ANKS1B: variants seen among roughly 807,000 people sequenced by gnomAD.
The protein encoded by ANKS1B is ankyrin repeat and sterile alpha motif domain containing 1B.
A neutral mutation model predicts 148.3 loss-of-function variants in ANKS1B; 36 were observed. The observed-to-expected ratio is 0.24, with a 90% CI of 0.19 to 0.32. The LOEUF (loss-of-function observed/expected upper bound fraction) is 0.32. ANKS1B is among the 10% of genes least tolerant of loss of function. The pLI, the probability that ANKS1B is intolerant of heterozygous loss-of-function variation, is 1.00. For synonymous variants in ANKS1B, 542 were observed against 560.8 expected (o/e 0.97, Z 0.47); for missense variants, 1,157 against 1,542.6 (o/e 0.75, Z 4.19).
At position 99,506,058 on chromosome 12, in the gene ANKS1B, T is replaced by C. The variant is rs1265802122; in HGVS notation, c.1273-1417A>G. ...TGCTCAGCATCATGAGAGAGTTATC[T>C]ATCATAGGGTATATTGCTAGCCCAG... On this transcript the variant is annotated intron_variant, in intron 9 of 26. Coordinates refer to ENST00000683438, the MANE Select transcript of ANKS1B (RefSeq NM_001352186.2). Among the ~76,000 whole-genome samples the C allele has an allele frequency of 2.6e-5, 4 of 152,076 alleles. No homozygotes were observed. The East Asian group carries it at 5.8e-4, about 22-fold the overall frequency.
Position 99,093,116 on chromosome 12 carries a change from T to C in ANKS1B, c.2527-8093A>G, listed in dbSNP as rs536182599. Among the ~76,000 whole-genome samples the C allele has an allele frequency of 1.8e-4, 27 of 152,316 alleles. No homozygotes were observed. The South Asian group carries it at 5.6e-3, about 32-fold the overall frequency. ...ATATGTAACGTTACCAAGAAGTTAC[T>C]CCCATGACCCTATTTTCACACACAC... On this transcript the variant is annotated intron_variant, in intron 15 of 26. Coordinates refer to ENST00000683438, the MANE Select transcript of ANKS1B (RefSeq NM_001352186.2).
intron 14 of ANKS1B, among the ~76,000 whole-genome samples, chr12:99,188,628 A>T (rs994536268): frequency 6.6e-6 from 1 of 152,222 alleles, no homozygotes; most frequent in Non-Finnish European, 1.5e-5. Flanking sequence ...GCAGAAATAA[A>T]TAAGTTATTT....
intron 15 of ANKS1B, 74 bp downstream of exon 15, chr12:99,154,215 C>G (rs1342163878): frequency 3.8e-6 from 6 of 1,574,220 alleles, no homozygotes; most frequent in African/African-American, 1.3e-5. Flanking sequence ...ATCAGGCTGC[C>G]TCTGAGCCAT....
At chr12:99,373,348 A>G (rs1318071458) in intron 12 of ANKS1B, among the ~76,000 whole-genome samples, 1 of 152,158 alleles carries the variant, frequency 6.6e-6, no homozygotes, top group Non-Finnish European at 1.5e-5. Flanking sequence ...AGAGGAAAAA[A>G]GGAAAGACAG....
chr12:99,315,391 A>G (rs2083883302), intron 12 of ANKS1B, among the ~76,000 whole-genome samples: 1 of 152,212 alleles, frequency 6.6e-6, no homozygotes, highest in African/African-American at 2.4e-5. Context: ...CCCATCAAAA[A>G]GTGGGAAAAC....
In ANKS1B at chr12:99,858,515, A is replaced by C. The variant is rs139937138; in HGVS notation, c.135-33126T>G. On this transcript the variant is annotated intron_variant, in intron 1 of 26. Coordinates refer to ENST00000683438, the MANE Select transcript of ANKS1B (RefSeq NM_001352186.2). ...GCTCCACCATTTGATCCAGGAGTCC[A>C]ACTCCTGGGTATCTACCCAGAGAAA... 7.9e-3 allele frequency among the ~76,000 whole-genome samples: 1,210 copies of C among 152,296 alleles called. 14 individuals are homozygous for C. The highest frequency in any genetic ancestry group is 0.028 in the African/African-American group (1,145 of 41,562).
intron 15 of ANKS1B, among the ~76,000 whole-genome samples, chr12:99,130,455 T>C (rs1017171567): frequency 5.9e-5 from 9 of 152,176 alleles, no homozygotes; most frequent in African/African-American, 1.7e-4. Flanking sequence ...CATCCTTAAT[T>C]CCTCCCTTTC....
At chr12:98,997,388 C>G (rs1445451156) in intron 17 of ANKS1B, among the ~76,000 whole-genome samples, 2 of 149,678 alleles carry the variant, frequency 1.3e-5, no homozygotes, top group Admixed American at 1.3e-4. Context: ...AAATTACCAT[C>G]TTCCCAGTGT....
At chr12:99,514,197 T>C (rs1487005335) in intron 9 of ANKS1B, among the ~76,000 whole-genome samples, 9 of 152,166 alleles carry the variant, frequency 5.9e-5, no homozygotes, top group Non-Finnish European at 1.2e-4. Context: ...TCCATGTTCA[T>C]AGTAGGACTC....
intron 9 of ANKS1B, chr12:99,647,906 G>A (rs770291011): frequency 3.2e-5 from 14 of 436,864 alleles, no homozygotes; most frequent in Non-Finnish European, 5.3e-5. Context: ...GGACATCCAC[G>A]AGGGCCCCAA....
At chr12:99,433,830 T>A (rs2095417827) in intron 11 of ANKS1B, among the ~76,000 whole-genome samples, 1 of 152,120 alleles carries the variant, frequency 6.6e-6, no homozygotes, top group Admixed American at 6.5e-5. Context: ...AGGATGATCC[T>A]TGGGGCATTG....
intron 14 of ANKS1B, among the ~76,000 whole-genome samples, chr12:99,186,691 T>C (rs2079908234): frequency 6.6e-6 from 1 of 151,968 alleles, no homozygotes; most frequent in South Asian, 2.1e-4. Flanking sequence ...AGGAATAGTA[T>C]CAACATCAAC....
At chr12:99,329,864 A>G (rs2087163130) in intron 12 of ANKS1B, among the ~76,000 whole-genome samples, 1 of 151,866 alleles carries the variant, frequency 6.6e-6, no homozygotes, top group Non-Finnish European at 1.5e-5. Flanking sequence ...ACGTTTTTCA[A>G]AGATTAGACA....
At chr12:98,986,479 T>C (rs2099923454) in intron 17 of ANKS1B, among the ~76,000 whole-genome samples, 1 of 152,224 alleles carries the variant, frequency 6.6e-6, no homozygotes, top group Non-Finnish European at 1.5e-5. Flanking sequence ...AAGCTGATAA[T>C]GAGCCCATCA....
chr12:99,132,897 G>A (rs2066583704), intron 15 of ANKS1B, among the ~76,000 whole-genome samples: 1 of 152,100 alleles, frequency 6.6e-6, no homozygotes, highest in African/African-American at 2.4e-5. Context: ...TGAGGTTGAG[G>A]AATGGTACTT....
chr12:99,190,019 A>T (rs961936896), intron 14 of ANKS1B, among the ~76,000 whole-genome samples: 1 of 152,188 alleles, frequency 6.6e-6, no homozygotes, highest in African/African-American at 2.4e-5. Flanking sequence ...AATGTGCGAA[A>T]ATCACAAGCA....
chr12:99,600,169 G>A (rs993888735), intron 9 of ANKS1B, among the ~76,000 whole-genome samples: 1 of 151,842 alleles, frequency 6.6e-6, no homozygotes, highest in Non-Finnish European at 1.5e-5. Flanking sequence ...AGCATTTAGT[G>A]TTCTATTTAC....
chr12:99,086,357 T>C (rs1375954010), intron 15 of ANKS1B, among the ~76,000 whole-genome samples: 1 of 152,158 alleles, frequency 6.6e-6, no homozygotes, highest in Non-Finnish European at 1.5e-5. Context: ...CTTGGAAGCA[T>C]CATGTTCTGG....
intron 14 of ANKS1B, among the ~76,000 whole-genome samples, chr12:99,217,097 C>G (rs947371727): frequency 4.6e-5 from 7 of 152,158 alleles, no homozygotes; most frequent in Non-Finnish European, 7.4e-5. Context: ...CACCTTGGAC[C>G]AATGACTCAG....
Sources: allele counts gnomAD v4.1 joint callset (sites outside exome capture counted in the v4.1 genomes callset), GRCh38; gene constraint gnomAD v4.1.1; transcripts MANE v1.5; gene names NCBI Gene and HGNC (gene_info 2026-07-23, HGNC 2026-07-21).